The following CEP57 variants were observed in gnomAD, a reference collection of about 807,000 sequenced individuals.
CEP57 encodes centrosomal protein of 57 kDa.
A neutral mutation model predicts 68.0 loss-of-function variants in CEP57; 40 were observed. That is an observed-to-expected ratio of 0.59 (90% CI 0.46 to 0.77). The LOEUF is 0.77. CEP57 is among the 30% of genes least tolerant of loss of function. CEP57 has a pLI of 0.00. For synonymous variants in CEP57, 219 were observed against 198.7 expected (o/e 1.10, Z -0.86); for missense variants, 606 against 580.7 (o/e 1.04, Z -0.45).
intron 2 of CEP57, among the ~76,000 whole-genome samples, chr11:95,802,717 C>T (rs1421211241): frequency 6.6e-6 from 1 of 152,142 alleles, no homozygotes; most frequent in African/African-American, 2.4e-5. Flanking sequence ...TTTGCATGAT[C>T]ATTGGCAAAC....
chr11:95,799,131 T>C, intron 1 of CEP57, 101 bp from the exon 2 acceptor site: 8 of 1,175,048 alleles, frequency 6.8e-6, no homozygotes, highest in Non-Finnish European at 1.0e-5. Context: ...TTTTTTCTGT[T>C]GTCTGTATGG....
intron 2 of CEP57, among the ~76,000 whole-genome samples, chr11:95,803,715 C>G (rs1226042949): frequency 6.6e-6 from 1 of 150,548 alleles, no homozygotes; most frequent in African/African-American, 2.4e-5. Flanking sequence ...CGGCTTGTAA[C>G]TAGCTTCATT....
intron 2 of CEP57, among the ~76,000 whole-genome samples, chr11:95,809,557 G>A (rs959961266): frequency 5.3e-5 from 8 of 152,164 alleles, no homozygotes; most frequent in Admixed American, 1.3e-4. Context: ...TACCATCAGC[G>A]AATACTATAA....
chr11:95,824,904 A>C (rs1462744236), intron 8 of CEP57, among the ~76,000 whole-genome samples: 1 of 152,184 alleles, frequency 6.6e-6, no homozygotes, highest in Non-Finnish European at 1.5e-5. Context: ...CCCTTTTTCT[A>C]AACTGGATTT....
intron 1 of CEP57, chr11:95,795,497 T>A (rs1250173479): frequency 3.0e-6 from 1 of 336,480 alleles, no homozygotes; most frequent in South Asian, 4.0e-5. Context: ...ATAGCTGTTA[T>A]TCTTTTTTTT....
chr11:95,820,768 A>G (rs567139020), intron 6 of CEP57, among the ~76,000 whole-genome samples: 2 of 152,310 alleles, frequency 1.3e-5, no homozygotes, highest in African/African-American at 4.8e-5. Flanking sequence ...TACTGTTTAC[A>G]CTCATTGGCA....
intron 2 of CEP57, among the ~76,000 whole-genome samples, chr11:95,805,540 A>T (rs1861761826): frequency 6.6e-6 from 1 of 152,224 alleles, no homozygotes. Context: ...AATTATGTTA[A>T]TAAATGGACA....
intron 2 of CEP57, among the ~76,000 whole-genome samples, chr11:95,806,843 T>A (rs1861823846): frequency 1.3e-5 from 2 of 152,174 alleles, no homozygotes; most frequent in Non-Finnish European, 2.9e-5. Flanking sequence ...ACTTAAACAT[T>A]CCTGTCTGAC....
chr11:95,822,315 C>G, intron 7 of CEP57, 184 bp from the exon 8 acceptor site: 2 of 604,806 alleles, frequency 3.3e-6, no homozygotes, highest in South Asian at 4.0e-5. Context: ...TTCCCCCCAG[C>G]CTTTCCTAGG....
rs913992119 is a variant in CEP57 at position 95,790,589 on chromosome 11, C to T, written c.-110C>T. 2 of 1,341,046 alleles carry T rather than the reference C, an allele frequency of 1.5e-6. No homozygotes were observed. Among genetic ancestry groups the T allele is most frequent in the Admixed American group, 4.0e-5 (2 of 50,616 alleles). 83.1% of individuals were successfully genotyped at this position (1,341,046 alleles called of 1,614,324 possible). On this transcript the variant is annotated 5_prime_UTR_variant, in exon 1 of 11. Transcript: ENST00000325542. ...CACCAGCACCCTTGCCCTTTTCCAT[C>T]AGGGGTTCAGCCTAGGGTCCCCGCT...
At chr11:95,790,350 G>C, upstream of CEP57, 3 of 424,856 alleles carry the variant, frequency 7.1e-6, no homozygotes, top group South Asian at 8.2e-5. Context: ...CGCAGAGCCG[G>C]CCTGTAACCC....
chr11:95,815,082 CTTTT>C (rs1464414939), intron 4 of CEP57: 1 of 152,122 alleles, frequency 6.6e-6, no homozygotes, highest in Non-Finnish European at 1.5e-5. Flanking sequence ...TTCAACCATC[CTTTT>C]TTGTTTTTTC....
chr11:95,791,837 A>G (rs1470720686), intron 1 of CEP57, among the ~76,000 whole-genome samples: 1 of 152,190 alleles, frequency 6.6e-6, no homozygotes, highest in Non-Finnish European at 1.5e-5. Flanking sequence ...GCTTTTAGGA[A>G]ACTTGAGATA....
intron 2 of CEP57, among the ~76,000 whole-genome samples, chr11:95,804,107 C>T (rs1019218256): frequency 6.6e-6 from 1 of 151,990 alleles, no homozygotes; most frequent in African/African-American, 2.4e-5. Flanking sequence ...AATGTGATTA[C>T]GTCAACTCAA....
chr11:95,825,976 T>C (rs1419095814), intron 8 of CEP57: 1 of 152,092 alleles, frequency 6.6e-6, no homozygotes, highest in African/African-American at 2.4e-5. Flanking sequence ...CTAAAACAAA[T>C]GGTGGAAGAA....
chr11:95,814,651 C>T lies in CEP57; in HGVS notation c.504+1062C>T, dbSNP rs184301368. Reference sequence around the variant, plus strand: ...CTGGAATTACAGGCATGAGCCACCACGCCCGGCCAGCCTTGTGTATATTTT... The same window carrying T: ...CTGGAATTACAGGCATGAGCCACCATGCCCGGCCAGCCTTGTGTATATTTT... On this transcript the variant is annotated intron_variant, in intron 4 of 10. Coordinates refer to ENST00000325542, the MANE Select transcript of CEP57 (RefSeq NM_014679.5). 2.7e-3 allele frequency among the ~76,000 whole-genome samples: 417 copies of T among 152,328 alleles called. 2 individuals are homozygous for T. Among genetic ancestry groups the T allele is most frequent in the Non-Finnish European group, 4.7e-3 (318 of 68,026 alleles).
At chr11:95,825,037 A>C (rs1862679716) in intron 8 of CEP57, among the ~76,000 whole-genome samples, 1 of 152,214 alleles carries the variant, frequency 6.6e-6, no homozygotes, top group Non-Finnish European at 1.5e-5. Flanking sequence ...GGAGCATGGA[A>C]GTTCAACACC....
intron 1 of CEP57, among the ~76,000 whole-genome samples, 160 bp downstream of exon 1, chr11:95,790,903 G>T (rs12272061): frequency 0.35 from 52,785 of 152,134 alleles, 9,883 homozygotes; most frequent in Non-Finnish European, 0.42. Flanking sequence ...CATTCACTGT[G>T]GCTGTGTCGA....
intron 1 of CEP57, among the ~76,000 whole-genome samples, chr11:95,793,263 C>T (rs1430442782): frequency 6.6e-6 from 1 of 152,168 alleles, no homozygotes; most frequent in Non-Finnish European, 1.5e-5. Context: ...AGGAAAGCAA[C>T]TATGATTGGG....
Sources: allele counts gnomAD v4.1 joint callset (sites outside exome capture counted in the v4.1 genomes callset), GRCh38; gene constraint gnomAD v4.1.1; transcripts MANE v1.5; gene names NCBI Gene and HGNC (gene_info 2026-07-23, HGNC 2026-07-21).